The following SORCS2 variants were observed in gnomAD, a reference collection of about 807,000 sequenced individuals.
The protein encoded by SORCS2 is sortilin related VPS10 domain containing receptor 2.
SORCS2 carries 100 observed loss-of-function variants against 141.6 expected under a neutral mutation model. The observed-to-expected ratio is 0.71, with a 90% CI of 0.60 to 0.83. The LOEUF (loss-of-function observed/expected upper bound fraction) is 0.83. Among genes scored for constraint, SORCS2 ranks in the 40% least tolerant of loss-of-function variants. SORCS2 has a pLI of 0.00. For missense variants in SORCS2, 1,646 were observed against 1,560.2 expected (o/e 1.05, Z -0.93); for synonymous variants, 789 against 676.9 (o/e 1.17, Z -2.57).
chr4:7,265,444 T>G (rs1053623595), intron 1 of SORCS2, among the ~76,000 whole-genome samples: 2 of 152,128 alleles, frequency 1.3e-5, no homozygotes, highest in Admixed American at 6.5e-5. Context: ...TGAGCCGAGA[T>G]TGCACCACTG....
At chr4:7,204,039 C>A (rs1402284663) in intron 1 of SORCS2, among the ~76,000 whole-genome samples, 1 of 152,146 alleles carries the variant, frequency 6.6e-6, no homozygotes, top group Non-Finnish European at 1.5e-5. Flanking sequence ...ATGGACACCA[C>A]ACATTTCCTT....
chr4:7,485,997 G>T (rs765258420), intron 2 of SORCS2, among the ~76,000 whole-genome samples: 1 of 152,190 alleles, frequency 6.6e-6, no homozygotes, highest in Non-Finnish European at 1.5e-5. Context: ...CCCTCACTGT[G>T]GTGGCCTGTT....
At chr4:7,449,365 T>C (rs377306250) in intron 2 of SORCS2, among the ~76,000 whole-genome samples, 3 of 83,032 alleles carry the variant, frequency 3.6e-5, no homozygotes, top group African/African-American at 1.5e-4. Flanking sequence ...CCTTCCTTCC[T>C]TTCTCTCCCC....
chr4:7,374,807 G>A (rs1327749922), intron 1 of SORCS2, among the ~76,000 whole-genome samples: 1 of 152,168 alleles, frequency 6.6e-6, no homozygotes, highest in African/African-American at 2.4e-5. Context: ...GCTCCCTCCA[G>A]CCTCTCTGCC....
chr4:7,469,260 A>AATGGTGGTGATGGTG (rs1560310330), intron 2 of SORCS2, among the ~76,000 whole-genome samples: 2 of 151,356 alleles, frequency 1.3e-5, no homozygotes, highest in African/African-American at 4.9e-5. Context: ...AGGTGATGGT[A>AATGGTGGTGATGGTG]ATGGTGGTGT....
Position 7,731,229 on chromosome 4 carries a change from T to G in SORCS2, c.3108+1517T>G, listed in dbSNP as rs79493882. On this transcript the variant is annotated intron_variant, in intron 23 of 26. Coordinates refer to ENST00000507866, the MANE Select transcript of SORCS2 (RefSeq NM_020777.3). ...AAATTGAACCAAGGAGGTGAAAAAC[T>G]TGTGAAAAACTTAGGAACAAATTAA... Among the ~76,000 whole-genome samples, 1,145 of 152,272 alleles carry G rather than the reference T, an allele frequency of 7.5e-3. 11 individuals are homozygous for G. The highest frequency in any genetic ancestry group is 0.026 in the African/African-American group (1,089 of 41,554).
chr4:7,693,051 C>T (rs1724359540), intron 11 of SORCS2, among the ~76,000 whole-genome samples: 1 of 152,196 alleles, frequency 6.6e-6, no homozygotes, highest in Admixed American at 6.5e-5. Flanking sequence ...GAAATCAACC[C>T]AGCCCTGGCC....
At chr4:7,683,390 G>C (rs1196828224) in intron 10 of SORCS2, among the ~76,000 whole-genome samples, 3 of 135,812 alleles carry the variant, frequency 2.2e-5, no homozygotes, top group East Asian at 2.2e-4. Context: ...TGGCTCTGCT[G>C]ATCTTGTCTG....
In SORCS2 at chr4:7,500,312, C is replaced by T. The variant is rs531230795; in HGVS notation, c.549-31218C>T. Among the ~76,000 whole-genome samples the T allele has an allele frequency of 5.4e-3, 360 of 67,278 alleles. 1 individual carries two copies. Among genetic ancestry groups the T allele is most frequent in the African/African-American group, 0.023 (346 of 15,168 alleles). The allele number at this position is 67,278 out of a possible 152,430, so 44.1% of individuals were successfully genotyped here. On this transcript the variant is annotated intron_variant, in intron 2 of 26. Transcript: ENST00000507866. ...GATAAGGTGGATCAATACTCGCCTT[C>T]CTTACTCCAGGCATGCTCTGTGCCG...
chr4:7,550,109 CGTGTGT>C (rs770140477), intron 3 of SORCS2, among the ~76,000 whole-genome samples: 17 of 129,734 alleles, frequency 1.3e-4, no homozygotes, highest in Non-Finnish European at 1.5e-4. Context: ...TTTTTTTTTC[CGTGTGT>C]GTGTGTGTAT....
chr4:7,723,641 C>G, intron 18 of SORCS2, 56 bp from the exon 19 acceptor site: 2 of 1,583,542 alleles, frequency 1.3e-6, no homozygotes, highest in Non-Finnish European at 1.7e-6. Context: ...ATGAACCACT[C>G]TGGCCCCTCA....
chr4:7,194,626 G>A (rs180781852), intron 1 of SORCS2, among the ~76,000 whole-genome samples: 28 of 152,016 alleles, frequency 1.8e-4, no homozygotes, highest in Non-Finnish European at 3.1e-4. Context: ...TCAGGGTGCC[G>A]GCTGGGGTGA....
intron 2 of SORCS2, among the ~76,000 whole-genome samples, chr4:7,401,093 A>AGATGAATGGATGGATAGATGGGTG: frequency 6.6e-6 from 1 of 151,300 alleles, no homozygotes; most frequent in African/African-American, 2.4e-5. Context: ...ATACATGGAT[A>AGATGAATGGATGGATAGATGGGTG]GATGAATGGA....
At chr4:7,349,785 G>C (rs1254814685) in intron 1 of SORCS2, among the ~76,000 whole-genome samples, 1 of 152,152 alleles carries the variant, frequency 6.6e-6, no homozygotes, top group Non-Finnish European at 1.5e-5. Flanking sequence ...GAGAACTGTT[G>C]GACTGGACGC....
At chr4:7,505,614 C>T (rs966701546) in intron 2 of SORCS2, among the ~76,000 whole-genome samples, 1 of 152,132 alleles carries the variant, frequency 6.6e-6, no homozygotes, top group Non-Finnish European at 1.5e-5. Flanking sequence ...AGAGAAGTCA[C>T]ATGTACAAAG....
At chr4:7,587,595 C>A (rs1055333716) in intron 3 of SORCS2, among the ~76,000 whole-genome samples, 1 of 152,220 alleles carries the variant, frequency 6.6e-6, no homozygotes, top group African/African-American at 2.4e-5. Context: ...CATGGGGTTT[C>A]CATAGAGACC....
At chr4:7,609,598 C>T (rs1718276167) in intron 3 of SORCS2, among the ~76,000 whole-genome samples, 1 of 152,272 alleles carries the variant, frequency 6.6e-6, no homozygotes, top group African/African-American at 2.4e-5. Context: ...AGGCAGGGAA[C>T]ACGTCCTGCT....
intron 1 of SORCS2, among the ~76,000 whole-genome samples, chr4:7,302,582 C>T (rs569172789): frequency 2.3e-4 from 35 of 152,274 alleles, no homozygotes; most frequent in African/African-American, 7.7e-4. Flanking sequence ...CCCTGTAGGC[C>T]CTGTGCCCTG....
intron 2 of SORCS2, among the ~76,000 whole-genome samples, chr4:7,426,857 C>T (rs1726477374): frequency 1.3e-5 from 2 of 152,216 alleles, no homozygotes; most frequent in Non-Finnish European, 2.9e-5. Flanking sequence ...CGTCTGGCCT[C>T]CCAGAATCCA....
Sources: allele counts gnomAD v4.1 joint callset (sites outside exome capture counted in the v4.1 genomes callset), GRCh38; gene constraint gnomAD v4.1.1; transcripts MANE v1.5; gene names NCBI Gene and HGNC (gene_info 2026-07-23, HGNC 2026-07-21).